CNTNAP2: variants seen among roughly 807,000 people sequenced by gnomAD.
CNTNAP2 encodes the protein contactin-associated protein-like 2.
Under a neutral mutation model 155.2 loss-of-function variants are expected in CNTNAP2, and 98 were observed. That is an observed-to-expected ratio of 0.63 (90% CI 0.54 to 0.75). The LOEUF is 0.75. Among genes scored for constraint, CNTNAP2 ranks in the 30% least tolerant of loss-of-function variants. CNTNAP2 has a pLI of 0.00. For missense variants in CNTNAP2, 1,727 were observed against 1,688.1 expected (o/e 1.02, Z -0.40); for synonymous variants, 651 against 631.2 (o/e 1.03, Z -0.47).
chr7:148,205,986 T>C (rs1171600846), intron 18 of CNTNAP2, among the ~76,000 whole-genome samples: 1 of 151,812 alleles, frequency 6.6e-6, no homozygotes, highest in African/African-American at 2.4e-5. Context: ...CAAAAGACTT[T>C]CTACATGAAA....
chr7:146,766,032 C>T (rs1802188611), intron 1 of CNTNAP2, among the ~76,000 whole-genome samples: 2 of 151,898 alleles, frequency 1.3e-5, no homozygotes, highest in Admixed American at 6.6e-5. Flanking sequence ...AGTGGAGCTT[C>T]GATTTTATAC....
chr7:147,687,111 A>G (rs1796026688), intron 13 of CNTNAP2, among the ~76,000 whole-genome samples: 1 of 152,104 alleles, frequency 6.6e-6, no homozygotes, highest in South Asian at 2.1e-4. Flanking sequence ...ACATGTATCA[A>G]ATTATCACTT....
chr7:146,787,031 C>T (rs958462425), intron 2 of CNTNAP2: 1 of 152,102 alleles, frequency 6.6e-6, no homozygotes, highest in Non-Finnish European at 1.5e-5. Flanking sequence ...CATAATTAAG[C>T]GTGTTCTATA....
chr7:148,021,648 G>A (rs545098591), intron 15 of CNTNAP2, among the ~76,000 whole-genome samples: 87 of 152,300 alleles, frequency 5.7e-4, no homozygotes, highest in Admixed American at 1.0e-3. Context: ...TCCAGTCCCC[G>A]GTGAGCTGGA....
At chr7:146,727,552 A>G (rs879623078) in intron 1 of CNTNAP2, among the ~76,000 whole-genome samples, 1 of 152,016 alleles carries the variant, frequency 6.6e-6, no homozygotes, top group Admixed American at 6.6e-5. Flanking sequence ...ACACACTAAA[A>G]CCAAATAATT....
At chr7:147,973,193 T>C (rs561361540) in intron 14 of CNTNAP2, among the ~76,000 whole-genome samples, 99 of 137,490 alleles carry the variant, frequency 7.2e-4, no homozygotes, top group South Asian at 1.6e-3. Context: ...TAGGTTGTGC[T>C]GTAGGATCAC....
chr7:148,198,706 G>T (rs1795317499), intron 18 of CNTNAP2, among the ~76,000 whole-genome samples: 1 of 152,202 alleles, frequency 6.6e-6, no homozygotes, highest in African/African-American at 2.4e-5. Context: ...CTTAGCAGTT[G>T]GTTAAAGCTT....
chr7:148,330,407 G>C (rs1157661083), intron 21 of CNTNAP2, among the ~76,000 whole-genome samples: 2 of 148,382 alleles, frequency 1.3e-5, no homozygotes, highest in African/African-American at 2.5e-5. Flanking sequence ...GAGGGATGGA[G>C]TGGACAGATG....
rs115011551 is a variant in CNTNAP2, at chr7:147,330,896, G to A, written c.1498+30606G>A. Among the ~76,000 whole-genome samples, 417 of 152,194 alleles carry A rather than the reference G, an allele frequency of 2.7e-3. 4 individuals are homozygous for A. Among genetic ancestry groups the A allele is most frequent in the African/African-American group, 9.6e-3 (397 of 41,524 alleles). On this transcript the variant is annotated intron_variant, in intron 9 of 23. Transcript: ENST00000361727. ...ACACAAACTTGGAAGGAATATCTAA[G>A]GACATTATGGAAAGGTTAAAAAGGA...
chr7:147,136,826 G>A (rs1801489751), intron 8 of CNTNAP2, among the ~76,000 whole-genome samples: 1 of 151,768 alleles, frequency 6.6e-6, no homozygotes, highest in South Asian at 2.1e-4. Flanking sequence ...TGATGTTTTA[G>A]TTGTTTACTG....
intron 1 of CNTNAP2, among the ~76,000 whole-genome samples, chr7:146,492,803 T>C (rs917560455): frequency 1.3e-5 from 2 of 152,210 alleles, no homozygotes; most frequent in Admixed American, 6.5e-5. Context: ...ATATCCATCA[T>C]CTTAAACATT....
Position 148,006,346 on chromosome 7 carries a change from G to C in CNTNAP2, c.2383+28357G>C, listed in dbSNP as rs544743230. On this transcript the variant is annotated intron_variant, in intron 15 of 23. Transcript: ENST00000361727. Reference sequence around the variant, plus strand: ...TTTTTTTTTTTTTTTTTGAAACAGAGTCTTGCTCTGTTGCCCTGGATGGAG... The same window carrying C: ...TTTTTTTTTTTTTTTTTGAAACAGACTCTTGCTCTGTTGCCCTGGATGGAG... Among the ~76,000 whole-genome samples, 6 of 134,800 alleles carry C rather than the reference G, an allele frequency of 4.5e-5. No homozygotes were observed. In the East Asian group the frequency reaches 1.2e-3, roughly 28 times the overall value. 88.4% of individuals were successfully genotyped at this position (134,800 alleles called of 152,430 possible).
At chr7:147,403,620 T>C (rs1753437628) in intron 10 of CNTNAP2, among the ~76,000 whole-genome samples, 1 of 152,210 alleles carries the variant, frequency 6.6e-6, no homozygotes, top group Admixed American at 6.5e-5. Flanking sequence ...TCTTAACACT[T>C]ACAATGCCTC....
At chr7:146,421,195 A>G (rs911556019) in intron 1 of CNTNAP2, among the ~76,000 whole-genome samples, 2 of 152,028 alleles carry the variant, frequency 1.3e-5, no homozygotes, top group African/African-American at 4.8e-5. Context: ...AATGGAATTT[A>G]TTTTGAAATT....
intron 3 of CNTNAP2, among the ~76,000 whole-genome samples, chr7:146,913,197 A>G (rs1796323983): frequency 1.3e-5 from 2 of 152,284 alleles, no homozygotes. Flanking sequence ...CATAGGGAAT[A>G]TGTAGGATTC....
At chr7:148,406,866 A>G (rs1028202350) in intron 22 of CNTNAP2, among the ~76,000 whole-genome samples, 2 of 152,248 alleles carry the variant, frequency 1.3e-5, no homozygotes, top group Non-Finnish European at 2.9e-5. Context: ...GGACAAGTTC[A>G]TAACTGAAAC....
chr7:146,162,382 T>G (rs1227041528), intron 1 of CNTNAP2, among the ~76,000 whole-genome samples: 1 of 152,206 alleles, frequency 6.6e-6, no homozygotes, highest in East Asian at 1.9e-4. Context: ...AAGACGTTTA[T>G]GCAGCCAACA....
At chr7:147,271,180 C>G (rs1804741597) in intron 8 of CNTNAP2, among the ~76,000 whole-genome samples, 1 of 152,096 alleles carries the variant, frequency 6.6e-6, no homozygotes, top group African/African-American at 2.4e-5. Flanking sequence ...TTGAATAGAT[C>G]CTTGTCTTAG....
intron 15 of CNTNAP2, among the ~76,000 whole-genome samples, chr7:148,097,111 G>T (rs1478614861): frequency 2.6e-5 from 4 of 152,190 alleles, no homozygotes; most frequent in South Asian, 2.1e-4. Flanking sequence ...ACAAACTTCA[G>T]TTCATATGGG....
Sources: allele counts gnomAD v4.1 joint callset (sites outside exome capture counted in the v4.1 genomes callset), GRCh38; gene constraint gnomAD v4.1.1; transcripts MANE v1.5; gene names NCBI Gene and HGNC (gene_info 2026-07-23, HGNC 2026-07-21).